The following XKR4 variants were observed in gnomAD, a reference collection of about 807,000 sequenced individuals.
XKR4 encodes XK-related protein 4.
In XKR4, 12 loss-of-function variants were observed where a neutral mutation model predicts 53.9. The observed-to-expected ratio is 0.22, with a 90% CI of 0.14 to 0.36. The LOEUF (loss-of-function observed/expected upper bound fraction) is 0.36. Ranked by LOEUF, XKR4 falls within the 10% of genes least tolerant of loss-of-function variation. The pLI is 1.00. For synonymous variants in XKR4, 354 were observed against 362.4 expected (o/e 0.98, Z 0.26); for missense variants, 799 against 859.5 (o/e 0.93, Z 0.88).
At chr8:55,149,964 G>A (rs116341457) in intron 1 of XKR4, among the ~76,000 whole-genome samples, 5,405 of 152,188 alleles carry the variant, frequency 0.036, 231 homozygotes, top group African/African-American at 0.096. Flanking sequence ...GGTGCACCAC[G>A]GTTCAAGGGG....
chr8:55,495,255 T>C (rs576620085), intron 2 of XKR4, among the ~76,000 whole-genome samples: 8 of 152,268 alleles, frequency 5.3e-5, no homozygotes, highest in Admixed American at 3.9e-4. Flanking sequence ...TGAGAGCAGG[T>C]GCTTCTGAGC....
At chr8:55,156,837 A>G (rs1291943391) in intron 1 of XKR4, among the ~76,000 whole-genome samples, 1 of 152,250 alleles carries the variant, frequency 6.6e-6, no homozygotes, top group African/African-American at 2.4e-5. Context: ...GTTCACCTGT[A>G]GGAAGATTAC....
chr8:55,291,378 A>C (rs1298571446), intron 1 of XKR4, among the ~76,000 whole-genome samples: 1 of 152,160 alleles, frequency 6.6e-6, no homozygotes, highest in African/African-American at 2.4e-5. Context: ...TTTTAGAACA[A>C]TCTTGTCTAT....
At chr8:55,471,127 C>A (rs1375739184) in intron 2 of XKR4, among the ~76,000 whole-genome samples, 2 of 152,108 alleles carry the variant, frequency 1.3e-5, no homozygotes, top group Non-Finnish European at 2.9e-5. Context: ...TTGAGGGCAG[C>A]AGCCACATTT....
At chr8:55,191,258 C>T (rs981120540) in intron 1 of XKR4, among the ~76,000 whole-genome samples, 2 of 152,152 alleles carry the variant, frequency 1.3e-5, no homozygotes, top group African/African-American at 4.8e-5. Flanking sequence ...TGGACTGCTC[C>T]TCTCTCCTCC....
At chr8:55,520,624 C>A (rs1309440323) in intron 2 of XKR4, among the ~76,000 whole-genome samples, 1 of 152,218 alleles carries the variant, frequency 6.6e-6, no homozygotes, top group Non-Finnish European at 1.5e-5. Context: ...GAGAAATTCT[C>A]ATTGCTAAAG....
At chr8:55,426,322 G>T (rs1805012303) in intron 2 of XKR4, among the ~76,000 whole-genome samples, 1 of 152,034 alleles carries the variant, frequency 6.6e-6, no homozygotes, top group African/African-American at 2.4e-5. Flanking sequence ...CTCTGCTCAA[G>T]TATTTTCTTC....
chr8:55,442,028 A>C (rs886521221), intron 2 of XKR4, among the ~76,000 whole-genome samples: 2 of 152,114 alleles, frequency 1.3e-5, no homozygotes, highest in Non-Finnish European at 2.9e-5. Context: ...TAAAATGGAA[A>C]GACACAATAC....
chr8:55,474,478 T>C lies in XKR4; in HGVS notation c.1007-48803T>C, dbSNP rs546467175. Among the ~76,000 whole-genome samples the C allele has an allele frequency of 3.4e-4, 51 of 152,226 alleles. 1 individual carries two copies. Among genetic ancestry groups the C allele is most frequent in the African/African-American group, 1.2e-3 (48 of 41,484 alleles). On this transcript the variant is annotated intron_variant, in intron 2 of 2. Transcript: ENST00000327381. ...AGTCTACCATCTTAAAAGAAAAAAGTATAAATATTTTTCTAGAAAAATCTG... is the reference window on the plus strand; with the variant it reads ...AGTCTACCATCTTAAAAGAAAAAAGCATAAATATTTTTCTAGAAAAATCTG...
intron 2 of XKR4, among the ~76,000 whole-genome samples, chr8:55,376,995 G>A (rs1324005262): frequency 6.7e-6 from 1 of 150,292 alleles, no homozygotes; most frequent in Admixed American, 6.6e-5. Context: ...GAGAGAGACG[G>A]ACCCACAAAT....
At chr8:55,399,493 T>C (rs1052148022) in intron 2 of XKR4, among the ~76,000 whole-genome samples, 1 of 152,214 alleles carries the variant, frequency 6.6e-6, no homozygotes, top group Non-Finnish European at 1.5e-5. Flanking sequence ...CTGATTTTAT[T>C]AAACCTTTCT....
intron 1 of XKR4, among the ~76,000 whole-genome samples, chr8:55,271,329 G>A (rs182448663): frequency 6.6e-6 from 1 of 152,154 alleles, no homozygotes; most frequent in East Asian, 1.9e-4. Flanking sequence ...AAAGCAGAGT[G>A]GCTATTACTA....
chr8:55,264,645 A>T lies in XKR4; in HGVS notation c.807-93033A>T, dbSNP rs372922849. ...TGTAATTTTAACTAAGAAATCATGT[A>T]AAGGGAAGATACTTTCATGGTTTGC... On this transcript the variant is annotated intron_variant, in intron 1 of 2. Coordinates refer to ENST00000327381, the MANE Select transcript of XKR4 (RefSeq NM_052898.2). 2.6e-5 allele frequency among the ~76,000 whole-genome samples: 4 copies of T among 152,346 alleles called. 1 individual carries two copies. The highest frequency in any genetic ancestry group is 6.5e-5 in the Admixed American group (1 of 15,306).
chr8:55,382,288 C>G (rs1197332300), intron 2 of XKR4, among the ~76,000 whole-genome samples: 2 of 152,198 alleles, frequency 1.3e-5, no homozygotes, highest in African/African-American at 4.8e-5. Flanking sequence ...TCACTTTGAA[C>G]ATGACACTAT....
intron 2 of XKR4, among the ~76,000 whole-genome samples, chr8:55,466,130 T>C (rs1585590095): frequency 1.3e-5 from 2 of 152,274 alleles, no homozygotes; most frequent in East Asian, 3.9e-4. Flanking sequence ...AGCCATCTCA[T>C]TACTGGGTAT....
rs1816046297 is a variant in XKR4 at position 55,102,068 on chromosome 8, G to C, written c.-421G>C. Among the ~76,000 whole-genome samples the C allele has an allele frequency of 6.6e-6, 1 of 152,024 alleles. No individual in the cohort carries two copies. The highest frequency in any genetic ancestry group is 1.5e-5 in the Non-Finnish European group (1 of 67,980). ...GTCAGCTGGTGGAGGAGAGGAAGCG[G>C]GAGGAGGGAGCGCGCGCGAGGGGAG... On this transcript the variant is annotated 5_prime_UTR_variant, in exon 1 of 3. Transcript: ENST00000327381. This position sits in a 1 kb window ranked among gnomAD's most constrained non-coding sequence, Gnocchi z 5.1.
chr8:55,498,687 C>T (rs532277115), intron 2 of XKR4, among the ~76,000 whole-genome samples: 274 of 152,206 alleles, frequency 1.8e-3, no homozygotes, highest in African/African-American at 6.2e-3. Flanking sequence ...TCAGGAGGAT[C>T]GCTTGAGGCC....
chr8:55,266,992 T>G (rs549112004), intron 1 of XKR4, among the ~76,000 whole-genome samples: 5 of 152,102 alleles, frequency 3.3e-5, no homozygotes, highest in Non-Finnish European at 5.9e-5. Flanking sequence ...CATTATGCAA[T>G]GACAAGATCA....
chr8:55,502,787 T>A (rs183726173), intron 2 of XKR4, among the ~76,000 whole-genome samples: 3 of 152,202 alleles, frequency 2.0e-5, no homozygotes, highest in Non-Finnish European at 4.4e-5. Context: ...AAGAAATCAC[T>A]GCCAAATCAA....
Sources: gnomAD v4.1 joint callset for allele counts (sites outside exome capture counted in the v4.1 genomes callset) on GRCh38, gnomAD v4.1.1 for gene constraint, Gnocchi (gnomAD v3.1) non-coding constraint, MANE v1.5 for transcripts, NCBI Gene and HGNC (gene_info 2026-07-23, HGNC 2026-07-21) for gene names.